INF2: variants seen among roughly 807,000 people sequenced by gnomAD.
The protein encoded by INF2 is inverted formin-2.
INF2 carries 43 observed loss-of-function variants against 123.5 expected under a neutral mutation model. The ratio of observed to expected loss-of-function variants is 0.35; its 90% CI spans 0.27 to 0.45. The LOEUF (loss-of-function observed/expected upper bound fraction) is 0.45. Among genes scored for constraint, INF2 ranks in the 20% least tolerant of loss-of-function variants. The probability of loss-of-function intolerance (pLI) is 1.00; values close to 1 mark genes in which losing one functional copy is unlikely to be tolerated. For synonymous variants in INF2, 851 were observed against 745.0 expected, an observed-to-expected ratio of 1.14 and a Z score of -2.32; for missense variants, 1,453 against 1,682.7, an observed-to-expected ratio of 0.86 and a Z score of 2.39.
At position 104,703,123 on chromosome 14, in the gene INF2, T is replaced by G. The variant is rs760611306; in HGVS notation, c.410T>G (p.Val137Gly). The change falls in exon 3 of 23, where the codon GTG becomes GGG. Residue 137 changes from valine to glycine, a missense_variant. Physicochemically the swap from Val to Gly is moderately radical, Grantham distance 109. Coordinates refer to ENST00000392634, the MANE Select transcript of INF2 (RefSeq NM_022489.4). ...CTGGCAGCCCTGGACACATCCAACGTGATGGTGAAGAAGCAGGTGTTTGAG... is the reference window on the plus strand; with the variant it reads ...CTGGCAGCCCTGGACACATCCAACGGGATGGTGAAGAAGCAGGTGTTTGAG... The part of the protein sequence containing the change: ...QLSQALDTSN[V>G]MVKKQVFELL... 39 of 1,613,356 alleles carry G rather than the reference T, an allele frequency of 2.4e-5. No individual in the cohort carries two copies. The highest frequency in any genetic ancestry group is 3.0e-5 in the Non-Finnish European group (35 of 1,179,842).
chr14:104,712,353 G>A, intron 16 of INF2, 80 bp from the exon 17 acceptor site: 4 of 1,587,948 alleles, frequency 2.5e-6, no homozygotes, highest in Non-Finnish European at 3.4e-6. Flanking sequence ...GTGCCGGGGG[G>A]TGCAGGGGAG....
intron 1 of INF2, among the ~76,000 whole-genome samples, chr14:104,692,770 G>A (rs552197746): frequency 1.3e-3 from 203 of 152,390 alleles, no homozygotes; most frequent in African/African-American, 4.5e-3. Context: ...GGGATGACTA[G>A]CGTGAAGGCC....
rs1412578269 is a variant in INF2, at chr14:104,699,025, T to TG, written c.-9-2328dup. 1.3e-5 allele frequency among the ~76,000 whole-genome samples: 2 copies of TG among 152,224 alleles called. No homozygotes were observed. The highest frequency in any genetic ancestry group is 3.9e-4 in the East Asian group (2 of 5,180). Reference sequence around the variant, plus strand: ...ACTGACCAAGGGGGATCCTCTTGACTGGGGTCTTTCAGGGGCTTGCACAGG... The same window carrying TG: ...ACTGACCAAGGGGGATCCTCTTGACTGGGGGTCTTTCAGGGGCTTGCACAGG... On this transcript the variant is annotated intron_variant, in intron 1 of 22. Coordinates refer to ENST00000392634, the MANE Select transcript of INF2 (RefSeq NM_022489.4). The surrounding 1 kb of genome is among the most constrained non-coding windows in gnomAD (Gnocchi z 4.7).
rs1340345315 is a variant in INF2 at position 104,711,623 on chromosome 14, T to C, written c.2419-6T>C. The C allele has an allele frequency of 6.2e-7, 1 of 1,612,372 alleles. No individual in the cohort carries two copies. The highest frequency in any genetic ancestry group is 1.1e-5 in the South Asian group (1 of 91,058). On this transcript the variant is annotated splice_polypyrimidine_tract_variant and splice_region_variant and intron_variant, in intron 15 of 22. Transcript: ENST00000392634. ...AGTGGATCTCACTGGACGTGTCCCA[T>C]TGCAGGAAGCGGAAAAGAGCCACCC...
upstream of INF2, chr14:104,685,075 T>G (rs939611716): frequency 1.3e-5 from 2 of 152,252 alleles, no homozygotes; most frequent in African/African-American, 2.4e-5. Context: ...GTTTTAGGTT[T>G]ACAAATACAT....
In INF2 at chr14:104,714,824, G is replaced by A. The variant is rs754128326; in HGVS notation, c.3662G>A (p.Arg1221Gln). 18 of 1,593,568 alleles carry A rather than the reference G, an allele frequency of 1.1e-5. No individual in the cohort carries two copies. The highest frequency in any genetic ancestry group is 1.5e-5 in the Non-Finnish European group (18 of 1,172,472). Residue 1221 changes from arginine (R) to glutamine (Q), a missense_variant, in exon 21 of 23, where the codon CGA (arginine) becomes CAA (glutamine). By Grantham distance (43) the Arg-to-Gln change is conservative. Around this residue, in one of 8 missense-constraint regions of INF2, gnomAD observed 344 missense variants for 333.1 expected, o/e 1.03. Transcript: ENST00000392634. ...RGRASKGTGK[R>Q]RKKRPSRSQE... ...CGGGCCTCAAAGGGGACCGGGAAGC[G>A]AAGGAAGAAGCGTCCCTCCAGGAGC...
chr14:104,716,225 G>T (rs1201294652), intron 22 of INF2, among the ~76,000 whole-genome samples: 1 of 152,316 alleles, frequency 6.6e-6, no homozygotes, highest in East Asian at 1.9e-4. Context: ...TGACCGCTGG[G>T]CCTGGGGCTT....
intron 20 of INF2, among the ~76,000 whole-genome samples, 174 bp downstream of exon 20, chr14:104,713,780 C>T (rs989813193): frequency 6.6e-6 from 1 of 152,228 alleles, no homozygotes; most frequent in African/African-American, 2.4e-5. Context: ...CAGCCCTCAT[C>T]CCTCCCTCCA....
rs142014961 is a variant in INF2, at chr14:104,720,343, G to A, written c.*1550G>A. ...TGCTGTGGACATTTGCGTAGTCCTC[G>A]TGTGGATGCTGCTGTGGACGTCTGC... On this transcript the variant is annotated 3_prime_UTR_variant, in exon 23 of 23. Transcript: ENST00000392634. The A allele has an allele frequency of 2.8e-3, 476 of 171,846 alleles. 2 individuals carry two copies. The highest frequency in any genetic ancestry group is 0.011 in the African/African-American group (447 of 41,346). 10.6% of individuals were successfully genotyped at this position (171,846 alleles called of 1,614,324 possible).
At chr14:104,693,330 G>A (rs1028067838) in intron 1 of INF2, among the ~76,000 whole-genome samples, 2 of 152,212 alleles carry the variant, frequency 1.3e-5, no homozygotes, top group African/African-American at 2.4e-5. Flanking sequence ...GCTCTGCCCC[G>A]GGCCCACCTC....
In INF2 at chr14:104,701,548, C is replaced by T. The variant is rs1170917033; in HGVS notation, c.183C>T (p.Asp61=). The stretch of plus-strand genomic sequence containing the variant: ...TGCGCAAGCGCCTGGAGGGCAGCGA[C>T]GGCGGCTGGATGGTGCAGTTCCTGG... ...SGLRKRLEGS[D]GGWMVQFLEQ... is the part of the protein sequence containing the mutation. The change falls in exon 2 of 23, where the codon GAC becomes GAT. Residue 61 remains aspartate (D), a synonymous_variant. Coordinates refer to ENST00000392634, the MANE Select transcript of INF2 (RefSeq NM_022489.4). 5 of 1,608,500 alleles carry T rather than the reference C, an allele frequency of 3.1e-6. No individual in the cohort carries two copies. The highest frequency in any genetic ancestry group is 1.7e-5 in the Admixed American group (1 of 59,670).
Position 104,718,944 on chromosome 14 carries a change from G to A in INF2, c.*151G>A. On this transcript the variant is annotated 3_prime_UTR_variant, in exon 23 of 23. Coordinates refer to ENST00000392634, the MANE Select transcript of INF2 (RefSeq NM_022489.4). ...CTTACCCAGCCGGGGCCCTCCTGGA[G>A]CCTTCTTGGGGTGTTGTGGCTGGGA... The A allele has an allele frequency of 6.9e-7, 1 of 1,447,150 alleles. No homozygotes were observed. Among genetic ancestry groups the A allele is most frequent in the South Asian group, 1.5e-5 (1 of 68,516 alleles). The allele number at this position is 1,447,150 out of a possible 1,614,324, so 89.6% of individuals were successfully genotyped here. A position where few individuals can be genotyped will look rare whatever the true frequency, so the allele number is the denominator to read the frequency against.
In INF2 at chr14:104,714,308, T is replaced by C. The variant is rs773940152; in HGVS notation, c.3146T>C (p.Leu1049Pro). The change falls in exon 21 of 23, where the codon CTT becomes CCT. Residue 1049 changes from leucine to proline, a missense_variant. Leu to Pro is a moderately conservative substitution (Grantham distance 98). Coordinates refer to ENST00000392634, the MANE Select transcript of INF2 (RefSeq NM_022489.4). ...GCCAGCGAGTCCCGGGGCTGGGACCTTGTAGACGCCGTGACCCCCGGCCCT... is the reference window on the plus strand; with the variant it reads ...GCCAGCGAGTCCCGGGGCTGGGACCCTGTAGACGCCGTGACCCCCGGCCCT... ...TTASESRGWD[L>P]VDAVTPGPQP... 9 of 1,590,678 alleles carry C rather than the reference T, an allele frequency of 5.7e-6. No individual in the cohort carries two copies. Among genetic ancestry groups the C allele is most frequent in the Non-Finnish European group, 7.7e-6 (9 of 1,169,806 alleles).
chr14:104,695,747 G>A (rs957748372), intron 1 of INF2, among the ~76,000 whole-genome samples: 2 of 151,958 alleles, frequency 1.3e-5, no homozygotes, highest in African/African-American at 4.8e-5. Context: ...CCCAGATCCT[G>A]GGGACACAGA....
chr14:104,697,863 G>A (rs914721743), intron 1 of INF2, among the ~76,000 whole-genome samples: 1 of 152,144 alleles, frequency 6.6e-6, no homozygotes, highest in Admixed American at 6.5e-5. Context: ...GCCCTGTGCA[G>A]TTCCATTGGT....
intron 4 of INF2, 123 bp downstream of exon 4, chr14:104,703,577 G>A (rs1392802736): frequency 4.5e-6 from 6 of 1,340,630 alleles, no homozygotes; most frequent in Non-Finnish European, 6.3e-6. Context: ...GGGCCCCAGA[G>A]GAAGGCGCCA....
At chr14:104,715,232 G>T (rs549513692) in intron 21 of INF2, 52 bp from the exon 22 acceptor site, 1 of 1,572,924 alleles carries the variant, frequency 6.4e-7, no homozygotes, top group Non-Finnish European at 8.7e-7. Context: ...TCCGAGTCAG[G>T]GTTGCTTCTG....
intron 22 of INF2, among the ~76,000 whole-genome samples, chr14:104,716,943 C>T (rs1326528010): frequency 1.3e-5 from 2 of 152,310 alleles, no homozygotes; most frequent in East Asian, 3.9e-4. Context: ...CCACCCGCCT[C>T]GGCCTCCCAA....
intron 6 of INF2, among the ~76,000 whole-genome samples, 184 bp from the exon 7 acceptor site, chr14:104,706,726 C>T (rs1327630837): frequency 6.6e-6 from 1 of 152,282 alleles, no homozygotes; most frequent in East Asian, 1.9e-4. Flanking sequence ...TTCTGTTTAA[C>T]ATCCCATAAT....
Sources: gnomAD v4.1 joint callset for allele counts (sites outside exome capture counted in the v4.1 genomes callset) on GRCh38, gnomAD v4.1.1 for gene constraint, gnomAD v4.1.1 regional missense constraint, Gnocchi (gnomAD v3.1) non-coding constraint, MANE v1.5 for transcripts, NCBI Gene and HGNC (gene_info 2026-07-23, HGNC 2026-07-21) for gene names.